SIK3: variants seen among roughly 807,000 people sequenced by gnomAD.
SIK3 encodes SIK family kinase 3.
In SIK3, 28 loss-of-function variants were observed where a neutral mutation model predicts 144.2. The ratio of observed to expected loss-of-function variants is 0.19; its 90% CI spans 0.14 to 0.27. The LOEUF is 0.27. Among genes scored for constraint, SIK3 ranks in the 10% least tolerant of loss-of-function variants. The probability of loss-of-function intolerance (pLI) is 1.00; values close to 1 mark genes in which losing one functional copy is unlikely to be tolerated. For synonymous variants in SIK3, 686 were observed against 676.3 expected, an observed-to-expected ratio of 1.01 and a Z score of -0.22; for missense variants, 1,319 against 1,776.0, an observed-to-expected ratio of 0.74 and a Z score of 4.62.
intron 4 of SIK3, among the ~76,000 whole-genome samples, chr11:116,899,691 GAGCT>G (rs1338628164): frequency 6.6e-6 from 1 of 152,118 alleles, no homozygotes; most frequent in African/African-American, 2.4e-5. Flanking sequence ...GAGTCTTCAG[GAGCT>G]ACACTAAGAC....
At chr11:117,095,586 T>C (rs945915993) in intron 1 of SIK3, among the ~76,000 whole-genome samples, 1 of 152,180 alleles carries the variant, frequency 6.6e-6, no homozygotes, top group Admixed American at 6.5e-5. Context: ...AACCATAACC[T>C]TAATAGGCCA....
At chr11:116,925,959 T>C (rs1400082941) in intron 4 of SIK3, among the ~76,000 whole-genome samples, 1 of 152,190 alleles carries the variant, frequency 6.6e-6, no homozygotes, top group Admixed American at 6.5e-5. Flanking sequence ...CAGTTTCAGA[T>C]ATATAAAAAG....
chr11:116,891,316 CA>C (rs893008266), intron 6 of SIK3, among the ~76,000 whole-genome samples: 2 of 151,638 alleles, frequency 1.3e-5, no homozygotes, highest in Admixed American at 6.6e-5. Context: ...GACTCCGTCT[CA>C]AAAAAAAGTC....
chr11:116,936,859 T>C (rs1442623510), intron 3 of SIK3, among the ~76,000 whole-genome samples: 1 of 152,256 alleles, frequency 6.6e-6, no homozygotes, highest in African/African-American at 2.4e-5. Context: ...CAACATGCTG[T>C]ACACTTTGCT....
intron 1 of SIK3, among the ~76,000 whole-genome samples, chr11:117,040,825 TTTTC>T (rs1952706332): frequency 6.6e-6 from 1 of 152,182 alleles, no homozygotes; most frequent in South Asian, 2.1e-4. Flanking sequence ...TTTTCTTTTC[TTTTC>T]TTTTTCATTG....
chr11:116,950,471 T>A (rs959969440), intron 3 of SIK3, among the ~76,000 whole-genome samples: 3 of 152,200 alleles, frequency 2.0e-5, no homozygotes, highest in Admixed American at 6.5e-5. Flanking sequence ...ACAGCCAATT[T>A]CCCAAACAGC....
At chr11:117,080,635 G>T (rs927605873) in intron 1 of SIK3, among the ~76,000 whole-genome samples, 3 of 152,004 alleles carry the variant, frequency 2.0e-5, no homozygotes, top group African/African-American at 7.2e-5. Flanking sequence ...AACAACTTAC[G>T]TAAAATTTGT....
chr11:116,910,120 ATT>A (rs1946259186), intron 4 of SIK3, among the ~76,000 whole-genome samples: 1 of 152,206 alleles, frequency 6.6e-6, no homozygotes, highest in African/African-American at 2.4e-5. Context: ...ACTAATAACT[ATT>A]TCTCAGTAAC....
chr11:116,972,805 T>TAC (rs373994439), intron 1 of SIK3, among the ~76,000 whole-genome samples: 15,351 of 150,802 alleles, frequency 0.1, 990 homozygotes, highest in Non-Finnish European at 0.15. Context: ...CACACACACA[T>TAC]ACACACACAC....
chr11:116,904,494 T>C (rs1197246635), intron 4 of SIK3, among the ~76,000 whole-genome samples: 1 of 152,190 alleles, frequency 6.6e-6, no homozygotes, highest in Non-Finnish European at 1.5e-5. Context: ...TCCTCCACAT[T>C]TAAAAATTTT....
Position 116,858,809 on chromosome 11 carries a change from G to A in SIK3, c.2766-110C>T, listed in dbSNP as rs2134399997. 1 of 1,448,232 alleles carries A rather than the reference G, an allele frequency of 6.9e-7. No individual in the cohort carries two copies. The highest frequency in any genetic ancestry group is 9.2e-7 in the Non-Finnish European group (1 of 1,089,204). The allele number at this position is 1,448,232 out of a possible 1,614,324, so 89.7% of individuals were successfully genotyped here. On this transcript the variant is annotated intron_variant, in intron 20 of 24. Transcript: ENST00000445177. This position sits in a 1 kb window ranked among gnomAD's most constrained non-coding sequence, Gnocchi z 5.4. The stretch of plus-strand genomic sequence containing the variant: ...ACCCACTGGTACAGAGAACTGTGGT[G>A]TGACAGAGAAGTGGCAGATGTATGC...
chr11:116,875,075 G>T (rs1944176081), intron 11 of SIK3, 83 bp downstream of exon 11: 5 of 1,052,216 alleles, frequency 4.8e-6, no homozygotes, highest in African/African-American at 4.7e-5. Flanking sequence ...CAATGTAGTA[G>T]GAAATGTGCC....
Position 116,875,811 on chromosome 11 carries a change from C to T in SIK3, c.1239+55G>A, listed in dbSNP as rs1944221161. 7 of 1,543,996 alleles carry T rather than the reference C, an allele frequency of 4.5e-6. No individual in the cohort carries two copies. In the South Asian group the frequency reaches 8.6e-5, roughly 19 times the overall value. ...TTAGGGTTAGTGAGCAACAGCTAAC[C>T]TTTACCCCCCTGGTGTTACTTGTCC... On this transcript the variant is annotated intron_variant, in intron 9 of 24. Coordinates refer to ENST00000445177, the MANE Select transcript of SIK3 (RefSeq NM_001366686.3).
intron 3 of SIK3, among the ~76,000 whole-genome samples, chr11:116,953,645 G>A (rs1281003646): frequency 6.6e-6 from 1 of 152,208 alleles, no homozygotes; most frequent in Non-Finnish European, 1.5e-5. Context: ...GAACGCACTC[G>A]GGTGAGATTA....
intron 1 of SIK3, among the ~76,000 whole-genome samples, chr11:116,975,177 T>A (rs1168502157): frequency 1.3e-5 from 2 of 151,604 alleles, no homozygotes; most frequent in Non-Finnish European, 2.9e-5. Context: ...CTTTGTATTC[T>A]AGTTATTTAA....
chr11:116,997,062 A>G (rs893206033), intron 1 of SIK3, among the ~76,000 whole-genome samples: 1 of 152,148 alleles, frequency 6.6e-6, no homozygotes, highest in African/African-American at 2.4e-5. Flanking sequence ...ACCCAAATGA[A>G]AGCAATTTTA....
At chr11:117,018,126 GAT>G (rs1951613532) in intron 1 of SIK3, among the ~76,000 whole-genome samples, 1 of 152,130 alleles carries the variant, frequency 6.6e-6, no homozygotes, top group African/African-American at 2.4e-5. Flanking sequence ...ACCCGCAGCT[GAT>G]ATCTCAACAC....
intron 3 of SIK3, among the ~76,000 whole-genome samples, chr11:116,929,093 A>G (rs1947451448): frequency 6.6e-6 from 1 of 152,188 alleles, no homozygotes; most frequent in South Asian, 2.1e-4. Context: ...CAAACTAGGG[A>G]GAGTAACTTA....
rs576509240 is a variant in SIK3 at position 116,878,608 on chromosome 11, G to A, written c.866-1566C>T. Among the ~76,000 whole-genome samples, 65 of 152,264 alleles carry A rather than the reference G, an allele frequency of 4.3e-4. 1 individual carries two copies. The highest frequency in any genetic ancestry group is 1.4e-3 in the African/African-American group (60 of 41,558). On this transcript the variant is annotated intron_variant, in intron 6 of 24. Transcript: ENST00000445177. ...TTGGCCAGGCTGGTCTCGAACAACT[G>A]ACCTCAAGTGATCCGCCTGCCTCAG...
Sources: allele counts gnomAD v4.1 joint callset (sites outside exome capture counted in the v4.1 genomes callset), GRCh38; gene constraint gnomAD v4.1.1; non-coding constraint Gnocchi (gnomAD v3.1); transcripts MANE v1.5; gene names NCBI Gene and HGNC (gene_info 2026-07-23, HGNC 2026-07-21).